The following LRWD1 variants were observed in gnomAD, a reference collection of about 807,000 sequenced individuals.
LRWD1 encodes leucine-rich repeat and WD repeat-containing protein 1.
Under a neutral mutation model 75.6 loss-of-function variants are expected in LRWD1, and 76 were observed. The ratio of observed to expected loss-of-function variants is 1.01; its 90% CI spans 0.84 to 1.22. The LOEUF (loss-of-function observed/expected upper bound fraction) is 1.22. Ranked by LOEUF, LRWD1 falls within the 50% of genes most tolerant of loss-of-function variation. The probability of loss-of-function intolerance (pLI) is 0.00; values close to 1 mark genes in which losing one functional copy is unlikely to be tolerated. For synonymous variants in LRWD1, 487 were observed against 377.0 expected (o/e 1.29, Z -3.38); for missense variants, 917 against 862.0 (o/e 1.06, Z -0.80).
intron 4 of LRWD1, 28 bp downstream of exon 4, chr7:102,467,507 G>A: frequency 6.2e-7 from 1 of 1,608,416 alleles, no homozygotes; most frequent in Non-Finnish European, 8.5e-7. Flanking sequence ...TGTGCAGGGA[G>A]TCACTGGCTC....
intron 2 of LRWD1, 51 bp downstream of exon 2, chr7:102,466,102 G>A (rs898777171): frequency 6.2e-6 from 10 of 1,612,482 alleles, no homozygotes; most frequent in Non-Finnish European, 8.5e-6. Context: ...GACTCTGTTG[G>A]GCTCAGGCTC....
chr7:102,472,814 G>A lies in LRWD1; in HGVS notation c.1803+10G>A, dbSNP rs112683653. On this transcript the variant is annotated intron_variant, in intron 14 of 14. Coordinates refer to ENST00000292616, the MANE Select transcript of LRWD1 (RefSeq NM_152892.3). ...GCAGGCCCCCACACAGGTACTGCCC[G>A]GCTCACCCTGCCCAGGCTTGGGCTG... 6.6e-5 allele frequency: 106 copies of A among 1,613,012 alleles called. No individual in the cohort carries two copies. The East Asian group carries it at 7.6e-4, about 12-fold the overall frequency.
In LRWD1 at chr7:102,472,227, A is replaced by G. The variant is rs768866784; in HGVS notation, c.1452A>G (p.Glu484=). 1 of 1,592,938 alleles carries G rather than the reference A, an allele frequency of 6.3e-7. No individual in the cohort carries two copies. Among genetic ancestry groups the G allele is most frequent in the Non-Finnish European group, 8.6e-7 (1 of 1,168,048 alleles). The change falls in exon 12 of 15, where the codon GAA becomes GAG. Residue 484 remains glutamate, a synonymous_variant. Transcript: ENST00000292616. ...TCGTGCTGCCCCACAGGGTGTGTGAAGTGGAATTCGTCTTCTCTGAGGGCT... is the reference window on the plus strand; with the variant it reads ...TCGTGCTGCCCCACAGGGTGTGTGAGGTGGAATTCGTCTTCTCTGAGGGCT... ...LDQPQKRRVC[E]VEFVFSEGSE...
chr7:102,468,769 G>T, intron 8 of LRWD1, 86 bp from the exon 9 acceptor site: 1 of 1,536,872 alleles, frequency 6.5e-7, no homozygotes, highest in Non-Finnish European at 8.8e-7. Flanking sequence ...CTTTCATGCT[G>T]GGGCTCCCTC....
intron 3 of LRWD1, 77 bp from the exon 4 acceptor site, chr7:102,467,262 G>T: frequency 6.6e-7 from 1 of 1,513,394 alleles, no homozygotes; most frequent in South Asian, 1.2e-5. Context: ...TGGCGGGATT[G>T]AGATTCCCTG....
rs764948874 is a variant in LRWD1 at position 102,469,897 on chromosome 7, G to C, written c.1442+15G>C. The stretch of plus-strand genomic sequence containing the variant: ...CAAAAGAGGAGGTGAGGCTGGGCAG[G>C]GGGCGCCTTGGAAGCCAGGCCTCTG... On this transcript the variant is annotated intron_variant, in intron 11 of 14. Coordinates refer to ENST00000292616, the MANE Select transcript of LRWD1 (RefSeq NM_152892.3). The C allele has an allele frequency of 6.6e-7, 1 of 1,511,190 alleles. No individual in the cohort carries two copies. Among genetic ancestry groups the C allele is most frequent in the Non-Finnish European group, 8.8e-7 (1 of 1,132,214 alleles). The allele number at this position is 1,511,190 out of a possible 1,614,324, so 93.6% of individuals were successfully genotyped here. A position where few individuals can be genotyped will look rare whatever the true frequency, so the allele number is the denominator to read the frequency against.
rs1205283617 is a variant in LRWD1, at chr7:102,465,070, G to T, written c.-11G>T. The stretch of plus-strand genomic sequence containing the variant: ...GGCCGACTGGGTCAGCGCGGGCTGC[G>T]CCTCCTCGCCATGGGCCCCCTCTCG... On this transcript the variant is annotated 5_prime_UTR_variant, in exon 1 of 15. Coordinates refer to ENST00000292616, the MANE Select transcript of LRWD1 (RefSeq NM_152892.3). 1 of 1,480,868 alleles carries T rather than the reference G, an allele frequency of 6.8e-7. No individual in the cohort carries two copies. Among genetic ancestry groups the T allele is most frequent in the Non-Finnish European group, 9.0e-7 (1 of 1,117,146 alleles). The allele number at this position is 1,480,868 out of a possible 1,614,324, so 91.7% of individuals were successfully genotyped here.
chr7:102,468,127 G>A lies in LRWD1; in HGVS notation c.744G>A (p.Ala248=), dbSNP rs764974125. The A allele has an allele frequency of 1.2e-5, 20 of 1,609,788 alleles. No individual in the cohort carries two copies. In the Middle Eastern group the frequency reaches 8.2e-4, roughly 66 times the overall value. ...VPLSLSPSKR[A]CASPSAQVEG... The stretch of plus-strand genomic sequence containing the variant: ...TCAGCCTCTCTCCCAGCAAGCGGGC[G>A]TGTGCCTCCCCGTCGGCCCAGGTGG... The change falls in exon 6 of 15, where the codon GCG becomes GCA. Residue 248 remains alanine, a synonymous_variant. Coordinates refer to ENST00000292616, the MANE Select transcript of LRWD1 (RefSeq NM_152892.3).
In LRWD1 at chr7:102,472,532, C is replaced by T. The variant is rs145790713; in HGVS notation, c.1613C>T (p.Thr538Met). The T allele has an allele frequency of 1.3e-4, 211 of 1,581,262 alleles. No individual in the cohort carries two copies. The African/African-American group carries it at 1.8e-3, about 13-fold the overall frequency. ...QTWGGRGSQS[T>M]VAVVVLARLQ... ...TGGGGGGGCCGGGGCAGCCAGTCCA[C>T]GGTGGCAGTGGTGGTCCTGGCGCGG... The change falls in exon 13 of 15, where the codon ACG (threonine) becomes ATG (methionine). Residue 538 changes from threonine (T) to methionine (M), a missense_variant. Physicochemically the swap from Thr to Met is moderately conservative, Grantham distance 81 (BLOSUM62 -1). Coordinates refer to ENST00000292616, the MANE Select transcript of LRWD1 (RefSeq NM_152892.3).
chr7:102,468,694 G>A (rs1433979157), intron 8 of LRWD1, 40 bp downstream of exon 8: 2 of 1,548,324 alleles, frequency 1.3e-6, no homozygotes, highest in Admixed American at 2.0e-5. Context: ...AAGGGTGCCC[G>A]ACTGACTCCT....
At chr7:102,467,208 G>GTGTGTGTGT (rs2133265421) in intron 3 of LRWD1, 131 bp from the exon 4 acceptor site, 2 of 743,230 alleles carry the variant, frequency 2.7e-6, no homozygotes, top group Non-Finnish European at 4.4e-6. Flanking sequence ...GTGTGTGTGT[G>GTGTGTGTGT]TGTGTGTTTT....
intron 3 of LRWD1, among the ~76,000 whole-genome samples, chr7:102,467,070 GGTGTGTGTGT>G (rs59522694): frequency 9.0e-5 from 12 of 133,532 alleles, no homozygotes; most frequent in East Asian, 2.5e-4. Context: ...GGTTGTTGCT[GGTGTGTGTGT>G]GTGTGTGTGT....
rs746539081 is a variant in LRWD1 at position 102,465,964 on chromosome 7, C to T, written c.228C>T (p.Cys76=). Reference sequence around the variant, plus strand: ...TGTCCCACCTGCGTGTCCTCCGCTGCGCCAACAACCAGCTGGGGGATGTTA... The same window carrying T: ...TGTCCCACCTGCGTGTCCTCCGCTGTGCCAACAACCAGCTGGGGGATGTTA... ...LGLSHLRVLR[C]ANNQLGDVTA... The change falls in exon 2 of 15, where the codon TGC becomes TGT. Residue 76 remains cysteine, a synonymous_variant. Transcript: ENST00000292616. 3 of 1,613,796 alleles carry T rather than the reference C, an allele frequency of 1.9e-6. No individual in the cohort carries two copies. The highest frequency in any genetic ancestry group is 2.5e-6 in the Non-Finnish European group (3 of 1,180,014).
At chr7:102,465,316 C>T (rs919368029) in intron 1 of LRWD1, 156 bp downstream of exon 1, 16 of 781,202 alleles carry the variant, frequency 2.0e-5, no homozygotes, top group Non-Finnish European at 3.0e-5. Flanking sequence ...CGTGGCCCCA[C>T]CCGCTCGCCG....
intron 1 of LRWD1, 77 bp downstream of exon 1, chr7:102,465,237 G>T (rs1797922884): frequency 2.3e-6 from 3 of 1,288,106 alleles, no homozygotes; most frequent in Non-Finnish European, 3.1e-6. Context: ...CCTCCCCAAC[G>T]GCCCGCTTGT....
rs372243462 is a variant in LRWD1 at position 102,469,054 on chromosome 7, A to G, written c.1220A>G (p.His407Arg). The G allele has an allele frequency of 6.2e-7, 1 of 1,603,086 alleles. No homozygotes were observed. The highest frequency in any genetic ancestry group is 1.3e-5 in the African/African-American group (1 of 74,460). ...TGCTTCAGCCCCGCCCACGAGACCC[A>G]TCTCTTCAGTAAGCCCCTCCCCTTC... Reference protein sequence around the residue: ...TLCFSPAHETHLFTASYDKRI... With the variant: ...TLCFSPAHETRLFTASYDKRI... The change falls in exon 9 of 15, where the codon CAT becomes CGT. Residue 407 changes from histidine to arginine, a missense_variant. By Grantham distance (29) the His-to-Arg change is conservative. Coordinates refer to ENST00000292616, the MANE Select transcript of LRWD1 (RefSeq NM_152892.3).
intron 8 of LRWD1, 81 bp downstream of exon 8, chr7:102,468,735 G>A (rs1004058358): frequency 7.9e-6 from 12 of 1,523,774 alleles, no homozygotes; most frequent in East Asian, 2.5e-5. Context: ...ATGCAGGCTC[G>A]GCCCCCTGCC....
Position 102,472,740 on chromosome 7 carries a change from A to ACGACGTCAGCAACATCC in LRWD1, c.1740_1756dup (p.Leu586ProfsTer7), listed in dbSNP as rs1431252605. Reference sequence around the variant, plus strand: ...GATGAGGAGGGCAACGTGTGGCTCTACGACGTCAGCAACATCCTGAAGCAG... The same window carrying ACGACGTCAGCAACATCC: ...GATGAGGAGGGCAACGTGTGGCTCTACGACGTCAGCAACATCCCGACGTCAGCAACATCCTGAAGCAG... On this transcript the variant is annotated frameshift_variant, in exon 14 of 15. Transcript: ENST00000292616. LOFTEE classifies it high-confidence loss of function. The ACGACGTCAGCAACATCC allele has an allele frequency of 6.2e-7, 1 of 1,613,480 alleles. No homozygotes were observed. Among genetic ancestry groups the ACGACGTCAGCAACATCC allele is most frequent in the Admixed American group, 1.7e-5 (1 of 60,016 alleles).
Position 102,472,198 on chromosome 7 carries a change from CA to C in LRWD1, c.1443-19del. On this transcript the variant is annotated intron_variant, in intron 11 of 14. Transcript: ENST00000292616. Reference sequence around the variant, plus strand: ...CTATCTGCAAGGAATGGCCAACTAGCATCTCGTGCTGCCCCACAGGGTGTGT... The same window carrying C: ...CTATCTGCAAGGAATGGCCAACTAGCTCTCGTGCTGCCCCACAGGGTGTGT... 6.4e-7 allele frequency: 1 copy of C among 1,572,536 alleles called. No homozygotes were observed. The highest frequency in any genetic ancestry group is 8.6e-7 in the Non-Finnish European group (1 of 1,156,566).
Sources: gnomAD v4.1 joint callset for allele counts (sites outside exome capture counted in the v4.1 genomes callset) on GRCh38, gnomAD v4.1.1 for gene constraint, MANE v1.5 for transcripts, NCBI Gene and HGNC (gene_info 2026-07-23, HGNC 2026-07-21) for gene names.